The following AFG1L variants were observed in gnomAD, a reference collection of about 807,000 sequenced individuals.
AFG1L encodes the protein AFG1 like ATPase.
AFG1L carries 53 observed loss-of-function variants against 62.2 expected under a neutral mutation model. The observed-to-expected ratio is 0.85, with a 90% CI of 0.68 to 1.07. The LOEUF is 1.07. AFG1L is among the 50% of genes least tolerant of loss of function. AFG1L has a pLI of 0.00. For synonymous variants in AFG1L, 228 were observed against 210.3 expected, an observed-to-expected ratio of 1.08 and a Z score of -0.73; for missense variants, 555 against 590.5, an observed-to-expected ratio of 0.94 and a Z score of 0.62.
intron 2 of AFG1L, among the ~76,000 whole-genome samples, chr6:108,327,757 C>T (rs1202074200): frequency 6.6e-6 from 1 of 152,204 alleles, no homozygotes; most frequent in Non-Finnish European, 1.5e-5. Context: ...TGTCTGCTTC[C>T]ACTTCTGTTC....
At chr6:108,447,395 C>A (rs1285452772) in intron 8 of AFG1L, 99 bp downstream of exon 8, 2 of 641,422 alleles carry the variant, frequency 3.1e-6, no homozygotes, top group African/African-American at 3.7e-5. Context: ...AAGGCTGGTT[C>A]TGAAGCCCAT....
At chr6:108,459,214 C>T (rs990128703) in intron 8 of AFG1L, among the ~76,000 whole-genome samples, 1 of 152,192 alleles carries the variant, frequency 6.6e-6, no homozygotes, top group African/African-American at 2.4e-5. Context: ...CTGCAGATCA[C>T]TGGACTTCTG....
intron 11 of AFG1L, among the ~76,000 whole-genome samples, chr6:108,516,548 C>T (rs926346857): frequency 3.3e-5 from 5 of 152,198 alleles, no homozygotes; most frequent in African/African-American, 1.2e-4. Flanking sequence ...CAATATCATA[C>T]TGAATGGGCA....
chr6:108,494,975 A>G (rs1378809045), intron 10 of AFG1L, among the ~76,000 whole-genome samples: 1 of 151,750 alleles, frequency 6.6e-6, no homozygotes, highest in Non-Finnish European at 1.5e-5. Context: ...GGGTTTCACC[A>G]TGTTGGCCAG....
At position 108,510,309 on chromosome 6, in the gene AFG1L, G is replaced by A; in HGVS notation, c.1160G>A (p.Gly387Asp). ...TTTACTCTGGCAAACAGGACTCAAG[G>A]TCGAAGATTCATAACTCTCATCGAT... ...PQFTLANRTQ[G>D]RRFITLIDNF... Residue 387 changes from glycine (G) to aspartate (D), a missense_variant, in exon 11 of 13, where the codon GGT becomes GAT. Physicochemically the swap from Gly to Asp is moderately conservative, Grantham distance 94. Coordinates refer to ENST00000368977, the MANE Select transcript of AFG1L (RefSeq NM_145315.5). The A allele has an allele frequency of 6.2e-7, 1 of 1,612,370 alleles. No homozygotes were observed. The highest frequency in any genetic ancestry group is 8.5e-7 in the Non-Finnish European group (1 of 1,179,286).
At chr6:108,348,190 T>C (rs1040201801) in intron 3 of AFG1L, among the ~76,000 whole-genome samples, 3 of 152,140 alleles carry the variant, frequency 2.0e-5, no homozygotes, top group Admixed American at 6.5e-5. Flanking sequence ...GCCATTCTCC[T>C]GCCTCAGCCT....
At chr6:108,494,115 C>A (rs983230637) in intron 10 of AFG1L, among the ~76,000 whole-genome samples, 1 of 152,118 alleles carries the variant, frequency 6.6e-6, no homozygotes, top group African/African-American at 2.4e-5. Context: ...AGTCACCACA[C>A]CTGGCGTCAC....
chr6:108,373,087 C>T (rs981000354), intron 6 of AFG1L, among the ~76,000 whole-genome samples: 3 of 151,828 alleles, frequency 2.0e-5, no homozygotes, highest in African/African-American at 7.3e-5. Context: ...GGTTTGTTAC[C>T]TATATATATT....
chr6:108,408,007 A>G (rs1377997109), intron 7 of AFG1L, among the ~76,000 whole-genome samples: 1 of 151,940 alleles, frequency 6.6e-6, no homozygotes, highest in Non-Finnish European at 1.5e-5. Flanking sequence ...CAAGTAAGTT[A>G]TGATTGGATG....
intron 10 of AFG1L, among the ~76,000 whole-genome samples, chr6:108,497,447 A>G (rs1774017262): frequency 1.3e-5 from 2 of 151,788 alleles, no homozygotes; most frequent in African/African-American, 2.4e-5. Flanking sequence ...CAATGCTGTT[A>G]CAATTTTAGT....
intron 3 of AFG1L, among the ~76,000 whole-genome samples, chr6:108,354,832 C>A (rs75524460): frequency 0.028 from 4,254 of 152,126 alleles, 195 homozygotes; most frequent in African/African-American, 0.098. Flanking sequence ...TGATTGTGGG[C>A]CTTGAGTAAC....
chr6:108,476,874 A>G lies in AFG1L; in HGVS notation c.900A>G (p.Glu300=), dbSNP rs1415349122. 3 of 1,613,026 alleles carry G rather than the reference A, an allele frequency of 1.9e-6. No homozygotes were observed. Among genetic ancestry groups the G allele is most frequent in the Non-Finnish European group, 1.7e-6 (2 of 1,178,994 alleles). The change falls in exon 9 of 13, where the codon GAA becomes GAG. Residue 300 remains glutamate (E), a synonymous_variant. Transcript: ENST00000368977. The stretch of plus-strand genomic sequence containing the variant: ...ATTCTTTTCACTGTAGCACAAGTGA[A>G]GCTGATGTGGAGGCTGTCATGGATA... The part of the protein sequence containing the change: ...AAGKLYYLTS[E]ADVEAVMDKL...
chr6:108,370,526 C>T (rs1779956426), intron 6 of AFG1L, among the ~76,000 whole-genome samples: 1 of 151,818 alleles, frequency 6.6e-6, no homozygotes, highest in South Asian at 2.1e-4. Flanking sequence ...AGGAATATAG[C>T]CAAAGTATCC....
At chr6:108,394,537 G>A (rs1477578938) in intron 6 of AFG1L, among the ~76,000 whole-genome samples, 1 of 151,980 alleles carries the variant, frequency 6.6e-6, no homozygotes, top group African/African-American at 2.4e-5. Flanking sequence ...AGATTTGTTT[G>A]CATTTTCTAG....
chr6:108,331,902 C>T (rs966193051), intron 2 of AFG1L, among the ~76,000 whole-genome samples: 22 of 152,154 alleles, frequency 1.4e-4, no homozygotes, highest in African/African-American at 3.6e-4. Context: ...AATTGGGAGC[C>T]ACAGAACTCC....
intron 7 of AFG1L, among the ~76,000 whole-genome samples, chr6:108,404,199 G>T (rs1055757267): frequency 6.6e-6 from 1 of 152,116 alleles, no homozygotes; most frequent in Non-Finnish European, 1.5e-5. Flanking sequence ...CTAGCTGAGA[G>T]AAAGGTATAG....
At chr6:108,305,033 T>G (rs1777150579) in intron 1 of AFG1L, among the ~76,000 whole-genome samples, 1 of 152,234 alleles carries the variant, frequency 6.6e-6, no homozygotes, top group Non-Finnish European at 1.5e-5. Flanking sequence ...TCAAATAGGT[T>G]ATTATGTGAG....
chr6:108,390,917 G>A (rs752869792), intron 6 of AFG1L, among the ~76,000 whole-genome samples: 3 of 152,222 alleles, frequency 2.0e-5, no homozygotes, highest in Admixed American at 6.5e-5. Context: ...GAAATCACCC[G>A]TCTTCTGCGT....
At chr6:108,429,714 C>T (rs1369008681) in intron 7 of AFG1L, among the ~76,000 whole-genome samples, 1 of 151,970 alleles carries the variant, frequency 6.6e-6, no homozygotes, top group Admixed American at 6.6e-5. Context: ...AATGTGATAC[C>T]CCCAGATTTG....
Sources: gnomAD v4.1 joint callset for allele counts (sites outside exome capture counted in the v4.1 genomes callset) on GRCh38, gnomAD v4.1.1 for gene constraint, MANE v1.5 for transcripts, NCBI Gene and HGNC (gene_info 2026-07-23, HGNC 2026-07-21) for gene names.